The following DNAH2 variants were observed in gnomAD, a reference collection of about 807,000 sequenced individuals.
DNAH2 encodes dynein axonemal heavy chain 2.
Under a neutral mutation model 523.5 loss-of-function variants are expected in DNAH2, and 323 were observed. The observed-to-expected ratio is 0.62, with a 90% CI of 0.56 to 0.68. The LOEUF is 0.68. Ranked by LOEUF, DNAH2 falls within the 30% of genes least tolerant of loss-of-function variation. The pLI is 0.00. For synonymous variants in DNAH2, 2,093 were observed against 2,177.4 expected (o/e 0.96, Z 1.08); for missense variants, 4,907 against 5,701.5 (o/e 0.86, Z 4.49).
At position 7,754,131 on chromosome 17, in the gene DNAH2, C is replaced by T. The variant is rs183116249; in HGVS notation, c.1905-2960C>T. ...GAAAAGAGTGACGGGGATCTGTGGA[C>T]GACATTCTTTAAAGCAGGCAGGCCG... On this transcript the variant is annotated intron_variant, in intron 12 of 85. Transcript: ENST00000572933. This position sits in a 1 kb window ranked among gnomAD's most constrained non-coding sequence, Gnocchi z 4.6. Among the ~76,000 whole-genome samples the T allele has an allele frequency of 5.9e-5, 9 of 151,878 alleles. No homozygotes were observed. In the East Asian group the frequency reaches 9.7e-4, roughly 16 times the overall value.
chr17:7,794,452 G>A (rs575106456), intron 49 of DNAH2, 94 bp downstream of exon 49: 17 of 1,136,750 alleles, frequency 1.5e-5, no homozygotes, highest in East Asian at 8.1e-5. Context: ...AGGGGGCTGC[G>A]GCACCCCAAG....
Position 7,778,330 on chromosome 17 carries a change from C to A in DNAH2, c.5402C>A (p.Pro1801His). The A allele has an allele frequency of 1.2e-6, 2 of 1,614,232 alleles. 1 individual carries two copies. The highest frequency in any genetic ancestry group is 2.2e-5 in the South Asian group (2 of 91,082). The part of the protein sequence containing the change: ...TALHLHRGGS[P>H]KGPAGTGKTE... Reference sequence around the variant, plus strand: ...TTGCACCTGCACCGAGGGGGCTCCCCCAAAGGCCCTGCAGGCACAGGCAAG... The same window carrying A: ...TTGCACCTGCACCGAGGGGGCTCCCACAAAGGCCCTGCAGGCACAGGCAAG... The change falls in exon 35 of 86, where the codon CCC becomes CAC. Residue 1801 changes from proline to histidine, a missense_variant. Pro to His is a moderately conservative substitution (Grantham distance 77). Around this residue, in one of 3 missense-constraint regions of DNAH2, gnomAD observed 2,806 missense variants for 3,190.8 expected, o/e 0.88. Coordinates refer to ENST00000572933, the MANE Select transcript of DNAH2 (RefSeq NM_020877.5).
chr17:7,752,820 G>C (rs188795503), intron 12 of DNAH2, among the ~76,000 whole-genome samples: 1 of 152,180 alleles, frequency 6.6e-6, no homozygotes, highest in Non-Finnish European at 1.5e-5. Context: ...AGGAGTCCTA[G>C]AGCCTCTCCC....
chr17:7,832,554 GA>G lies in DNAH2; in HGVS notation c.12727-23del. 6.2e-7 allele frequency: 1 copy of G among 1,609,266 alleles called. No homozygotes were observed. The highest frequency in any genetic ancestry group is 1.3e-5 in the African/African-American group (1 of 74,796). On this transcript the variant is annotated intron_variant, in intron 82 of 85. Coordinates refer to ENST00000572933, the MANE Select transcript of DNAH2 (RefSeq NM_020877.5). This position sits in a 1 kb window ranked among gnomAD's most constrained non-coding sequence, Gnocchi z 4.3. ...GATTTGAATGCACGGCTAAATGAGTGAATACACACGCACTCCTTCCCCAGGC... is the reference window on the plus strand; with the variant it reads ...GATTTGAATGCACGGCTAAATGAGTGATACACACGCACTCCTTCCCCAGGC...
chr17:7,746,855 C>A (rs1356483251), intron 12 of DNAH2, among the ~76,000 whole-genome samples: 1 of 151,990 alleles, frequency 6.6e-6, no homozygotes. Flanking sequence ...GGCATGGTGG[C>A]GTGCGCCTGT....
Position 7,792,000 on chromosome 17 carries a change from T to C in DNAH2, c.6984T>C (p.Ser2328=). ...VFSMIWSVCA[S]VDEEGRKRID... is the part of the protein sequence containing the mutation. ...GCATGATCTGGTCTGTGTGTGCCTC[T>C]GTGGATGAGGAGGGCCGGAAGAGGA... The change falls in exon 45 of 86, where the codon TCT becomes TCC. Residue 2328 remains serine (S), a synonymous_variant. Coordinates refer to ENST00000572933, the MANE Select transcript of DNAH2 (RefSeq NM_020877.5). The C allele has an allele frequency of 1.2e-6, 2 of 1,614,058 alleles. No homozygotes were observed. The highest frequency in any genetic ancestry group is 1.3e-5 in the African/African-American group (1 of 75,010).
chr17:7,833,326 C>T, intron 85 of DNAH2, 53 bp from the exon 86 acceptor site: 1 of 1,609,354 alleles, frequency 6.2e-7, no homozygotes, highest in African/African-American at 1.3e-5. Context: ...CCTGCTCCTG[C>T]CCTGCTCTCC....
chr17:7,815,311 T>C (rs990893990), intron 63 of DNAH2, among the ~76,000 whole-genome samples: 1 of 152,260 alleles, frequency 6.6e-6, no homozygotes, highest in Non-Finnish European at 1.5e-5. Flanking sequence ...CTACTTCTAC[T>C]TTCTAGTAGT....
chr17:7,727,186 A>G lies in DNAH2; in HGVS notation c.293A>G (p.His98Arg). The G allele has an allele frequency of 2.5e-6, 4 of 1,608,746 alleles. No individual in the cohort carries two copies. The highest frequency in any genetic ancestry group is 1.3e-5 in the African/African-American group (1 of 74,722). Residue 98 changes from histidine to arginine, a missense_variant, in exon 4 of 86, where the codon CAT becomes CGT. By Grantham distance (29) the His-to-Arg change is conservative. Transcript: ENST00000572933. ...GLADAVWTQE[H>R]DAILEHFAQD... ...GCGGATGCAGTGTGGACACAGGAGC[A>G]TGATGCCATTCTGGAACACTTTGCC...
At chr17:7,809,466 G>A (rs1013739143) in intron 63 of DNAH2, among the ~76,000 whole-genome samples, 3 of 151,962 alleles carry the variant, frequency 2.0e-5, no homozygotes, top group Non-Finnish European at 4.4e-5. Flanking sequence ...GCTCCTCCAC[G>A]GCTCCGTCCC....
chr17:7,787,055 T>C (rs374073407), intron 42 of DNAH2, 22 bp downstream of exon 42: 9 of 1,612,720 alleles, frequency 5.6e-6, no homozygotes, highest in Non-Finnish European at 6.8e-6. Flanking sequence ...GGCTGACTCC[T>C]GGAGGCCTGC....
Position 7,796,633 on chromosome 17 carries a change from A to T in DNAH2, c.7844A>T (p.Asn2615Ile). 6.2e-7 allele frequency: 1 copy of T among 1,612,154 alleles called. No individual in the cohort carries two copies. The highest frequency in any genetic ancestry group is 8.5e-7 in the Non-Finnish European group (1 of 1,179,504). ...PTPTKMHYLF[N>I]LRDISKVFQG... ...CCCACCAAGATGCATTACCTCTTCAACCTTCGAGACATCTCCAAGGTGACT... is the reference window on the plus strand; with the variant it reads ...CCCACCAAGATGCATTACCTCTTCATCCTTCGAGACATCTCCAAGGTGACT... Residue 2615 changes from asparagine (N) to isoleucine (I), a missense_variant, in exon 50 of 86, where the codon AAC becomes ATC. By Grantham distance (149) the Asn-to-Ile change is moderately radical (BLOSUM62 -3). Transcript: ENST00000572933.
chr17:7,819,024 C>G lies in DNAH2; in HGVS notation c.10776C>G (p.Thr3592=). ...CAGAGGTGACTGAGCAGCTGGAGAC[C>G]AGTGAGACCACAGAGATCAACACTG... ...TATEVTEQLE[T]SETTEINTDL... The change falls in exon 71 of 86, where the codon ACC becomes ACG. Residue 3592 remains threonine (T), a synonymous_variant. Coordinates refer to ENST00000572933, the MANE Select transcript of DNAH2 (RefSeq NM_020877.5). The G allele has an allele frequency of 6.2e-7, 1 of 1,602,428 alleles. No individual in the cohort carries two copies. Among genetic ancestry groups the G allele is most frequent in the Non-Finnish European group, 8.5e-7 (1 of 1,176,286 alleles).
intron 10 of DNAH2, 38 bp downstream of exon 10, chr17:7,740,587 G>T (rs897611534): frequency 2.5e-6 from 4 of 1,607,354 alleles, no homozygotes; most frequent in Non-Finnish European, 2.5e-6. Context: ...TTCCCGTCCC[G>T]CGTGCTTTCC....
chr17:7,824,338 C>T (rs1278189010), intron 76 of DNAH2, 34 bp downstream of exon 76: 2 of 1,496,448 alleles, frequency 1.3e-6, no homozygotes, highest in Non-Finnish European at 1.8e-6. Flanking sequence ...CCCCCATCTT[C>T]AGCCCAGTCC....
Position 7,760,686 on chromosome 17 carries a change from G to C in DNAH2, c.2786-54G>C. On this transcript the variant is annotated intron_variant, in intron 17 of 85. Coordinates refer to ENST00000572933, the MANE Select transcript of DNAH2 (RefSeq NM_020877.5). This position sits in a 1 kb window ranked among gnomAD's most constrained non-coding sequence, Gnocchi z 4.0. Reference sequence around the variant, plus strand: ...TGGAGCAGTGGGCAGGGCTCAGGCAGAAGTTGGGTTGGGGTGGAAGTCAGT... The same window carrying C: ...TGGAGCAGTGGGCAGGGCTCAGGCACAAGTTGGGTTGGGGTGGAAGTCAGT... 6.4e-7 allele frequency: 1 copy of C among 1,562,300 alleles called. No individual in the cohort carries two copies. The highest frequency in any genetic ancestry group is 1.8e-4 in the Middle Eastern group (1 of 5,652).
rs1435069023 is a variant in DNAH2, at chr17:7,801,706, A to T, written c.8828A>T (p.Glu2943Val). 1 of 1,613,998 alleles carries T rather than the reference A, an allele frequency of 6.2e-7. No individual in the cohort carries two copies. Among genetic ancestry groups the T allele is most frequent in the Non-Finnish European group, 8.5e-7 (1 of 1,180,002 alleles). Residue 2943 changes from glutamate to valine, a missense_variant, in exon 57 of 86, where the codon GAG becomes GTG. Transcript: ENST00000572933. ...CLIGVDLGTQENIHRKVAQIF... is the reference protein window; with the variant it reads ...CLIGVDLGTQVNIHRKVAQIF... ...ATAGGAGTAGACCTGGGAACTCAGGAGAATGTGAGCCCCTCCTCCCCACCT... is the reference window on the plus strand; with the variant it reads ...ATAGGAGTAGACCTGGGAACTCAGGTGAATGTGAGCCCCTCCTCCCCACCT...
chr17:7,764,782 CTTTTTT>C (rs59188289), intron 20 of DNAH2, among the ~76,000 whole-genome samples: 8 of 49,504 alleles, frequency 1.6e-4, no homozygotes, highest in African/African-American at 1.8e-4. Context: ...ACTGTATTTA[CTTTTTT>C]TTTTTTTTTT....
In DNAH2 at chr17:7,743,064, A is replaced by T; in HGVS notation, c.1826A>T (p.Asp609Val). Residue 609 changes from aspartate (D) to valine (V), a missense_variant, in exon 12 of 86, where the codon GAT becomes GTT. Asp to Val is a radical substitution (Grantham distance 152, BLOSUM62 -3). Around this residue, in one of 3 missense-constraint regions of DNAH2, gnomAD observed 2,806 missense variants for 3,190.8 expected, o/e 0.88. Coordinates refer to ENST00000572933, the MANE Select transcript of DNAH2 (RefSeq NM_020877.5). The stretch of plus-strand genomic sequence containing the variant: ...GAGTGGACATCAAGTCTGGACAAGG[A>T]TTGCATTCGGCGGTTGGATACCCCA... ...FQEWTSSLDK[D>V]CIRRLDTPLL... 1.3e-6 allele frequency: 2 copies of T among 1,536,754 alleles called. No individual in the cohort carries two copies. The highest frequency in any genetic ancestry group is 1.7e-6 in the Non-Finnish European group (2 of 1,147,488).
Sources: gnomAD v4.1 joint callset for allele counts (sites outside exome capture counted in the v4.1 genomes callset) on GRCh38, gnomAD v4.1.1 for gene constraint, gnomAD v4.1.1 regional missense constraint, Gnocchi (gnomAD v3.1) non-coding constraint, MANE v1.5 for transcripts, NCBI Gene and HGNC (gene_info 2026-07-23, HGNC 2026-07-21) for gene names.